Variants in RORB observed in about 807,000 individuals in gnomAD.
RORB encodes the protein nuclear receptor ROR-beta.
RORB carries 6 observed loss-of-function variants against 59.1 expected under a neutral mutation model. The ratio of observed to expected loss-of-function variants is 0.10; its 90% CI spans 0.06 to 0.20. The LOEUF (loss-of-function observed/expected upper bound fraction) is 0.20. RORB is among the 10% of genes least tolerant of loss of function. The pLI, the probability that RORB is intolerant of heterozygous loss-of-function variation, is 1.00. For missense variants in RORB, 320 were observed against 560.5 expected (o/e 0.57, Z 4.33); for synonymous variants, 215 against 204.5 (o/e 1.05, Z -0.44).
chr9:74,607,982 G>A (rs1823175255), intron 1 of RORB, among the ~76,000 whole-genome samples: 2 of 152,104 alleles, frequency 1.3e-5, no homozygotes, highest in African/African-American at 4.8e-5. Flanking sequence ...GTTTTGCAAC[G>A]TGCTGAACTC....
At chr9:74,568,400 T>C (rs1822499071) in intron 1 of RORB, among the ~76,000 whole-genome samples, 1 of 152,022 alleles carries the variant, frequency 6.6e-6, no homozygotes, top group African/African-American at 2.4e-5. Flanking sequence ...TCAATTCTTT[T>C]CTTAAGAAAA....
chr9:74,658,654 A>G (rs146391023), intron 4 of RORB, among the ~76,000 whole-genome samples: 2 of 152,334 alleles, frequency 1.3e-5, no homozygotes, highest in African/African-American at 2.4e-5. Flanking sequence ...ATAAAGCTAT[A>G]AAATCTTTTG....
At chr9:74,539,328 T>A (rs922731830) in intron 1 of RORB, among the ~76,000 whole-genome samples, 1 of 152,308 alleles carries the variant, frequency 6.6e-6, no homozygotes, top group East Asian at 1.9e-4. Context: ...TTTCTCTTTA[T>A]AACACCCCTT....
chr9:74,642,946 C>T (rs1306465219), intron 4 of RORB, 131 bp downstream of exon 4: 1 of 598,798 alleles, frequency 1.7e-6, no homozygotes, highest in East Asian at 3.0e-5. Flanking sequence ...ACTGAGAAAA[C>T]AAATTGATTT....
chr9:74,647,963 T>G (rs1320418990), intron 4 of RORB, among the ~76,000 whole-genome samples: 2 of 152,206 alleles, frequency 1.3e-5, no homozygotes, highest in Middle Eastern at 3.2e-3. Flanking sequence ...AAATCTATTA[T>G]GCACATCTAA....
At chr9:74,574,531 A>G (rs1021076068) in intron 1 of RORB, among the ~76,000 whole-genome samples, 1 of 152,156 alleles carries the variant, frequency 6.6e-6, no homozygotes, top group Non-Finnish European at 1.5e-5. Flanking sequence ...TAAATAAAGC[A>G]TGGAATCTGG....
rs568802220 is a variant in RORB at position 74,567,066 on chromosome 9, C to T, written c.8-63216C>T. On this transcript the variant is annotated intron_variant, in intron 1 of 9. Coordinates refer to ENST00000376896, the MANE Select transcript of RORB (RefSeq NM_006914.4). Reference sequence around the variant, plus strand: ...TTTCTGAGACAGAGGCTCGCTCTGTCGCCCAGGCTGGAGTGCAACGGCGTG... The same window carrying T: ...TTTCTGAGACAGAGGCTCGCTCTGTTGCCCAGGCTGGAGTGCAACGGCGTG... 1.7e-3 allele frequency among the ~76,000 whole-genome samples: 253 copies of T among 151,732 alleles called. 2 individuals are homozygous for T. The highest frequency in any genetic ancestry group is 5.9e-3 in the African/African-American group (243 of 41,348).
chr9:74,690,640 A>G lies in RORB; in HGVS notation c.*5022A>G, dbSNP rs1180006010. The G allele has an allele frequency of 6.6e-6, 1 of 152,200 alleles. No individual in the cohort carries two copies. The highest frequency in any genetic ancestry group is 1.5e-5 in the Non-Finnish European group (1 of 68,056). The allele number at this position is 152,200 out of a possible 1,614,324, so 9.4% of individuals were successfully genotyped here. ...ACTGCAGCAAGTCTGGTCAGATTCA[A>G]CCCTGGACGATATTAGAATGATATT... On this transcript the variant is annotated 3_prime_UTR_variant, in exon 10 of 10. Transcript: ENST00000376896.
intron 1 of RORB, among the ~76,000 whole-genome samples, chr9:74,538,371 A>G (rs747656793): frequency 6.6e-6 from 1 of 151,102 alleles, no homozygotes; most frequent in Non-Finnish European, 1.5e-5. Flanking sequence ...TGTTAACAAT[A>G]AAGAAATTTA....
chr9:74,637,530 G>A (rs749978367), intron 3 of RORB, among the ~76,000 whole-genome samples: 56 of 151,736 alleles, frequency 3.7e-4, no homozygotes, highest in Middle Eastern at 3.4e-3. Flanking sequence ...GTGTGTGTCT[G>A]TGTGTGTGTG....
intron 1 of RORB, among the ~76,000 whole-genome samples, chr9:74,589,786 A>G (rs1822858675): frequency 1.3e-5 from 2 of 152,148 alleles, no homozygotes; most frequent in Non-Finnish European, 2.9e-5. Context: ...CCAAACCACA[A>G]GCATCAGGTC....
At chr9:74,635,386 G>A (rs866577850) in intron 3 of RORB, among the ~76,000 whole-genome samples, 9 of 152,202 alleles carry the variant, frequency 5.9e-5, no homozygotes, top group African/African-American at 2.2e-4. Context: ...CCACCTTGAC[G>A]CCCACCCATG....
intron 1 of RORB, among the ~76,000 whole-genome samples, chr9:74,604,727 A>T (rs1276958472): frequency 6.6e-6 from 1 of 152,200 alleles, no homozygotes; most frequent in Non-Finnish European, 1.5e-5. Context: ...TAAATAAGGT[A>T]GAAGAAGAAG....
intron 1 of RORB, among the ~76,000 whole-genome samples, chr9:74,618,669 T>C (rs1036968223): frequency 2.0e-5 from 3 of 152,122 alleles, no homozygotes; most frequent in Non-Finnish European, 2.9e-5. Flanking sequence ...CTCTACTGCG[T>C]CTATCAATGA....
chr9:74,594,090 G>C (rs768363477), intron 1 of RORB, among the ~76,000 whole-genome samples: 19 of 152,226 alleles, frequency 1.2e-4, no homozygotes, highest in Non-Finnish European at 2.2e-4. Flanking sequence ...ATTTGCAAAG[G>C]CTCCATCTAT....
chr9:74,555,299 G>A (rs1202530684), intron 1 of RORB, among the ~76,000 whole-genome samples: 2 of 152,170 alleles, frequency 1.3e-5, no homozygotes, highest in Non-Finnish European at 2.9e-5. Context: ...ACCACAGTGG[G>A]GACCTTTGTC....
At chr9:74,601,459 C>T (rs971069014) in intron 1 of RORB, among the ~76,000 whole-genome samples, 2 of 151,578 alleles carry the variant, frequency 1.3e-5, no homozygotes, top group African/African-American at 4.8e-5. Flanking sequence ...ACCATCTCCC[C>T]AAGGCAATCA....
In RORB at chr9:74,514,986, A is replaced by G. The variant is rs556434892; in HGVS notation, c.7+17003A>G. 4.6e-5 allele frequency among the ~76,000 whole-genome samples: 7 copies of G among 151,236 alleles called. No homozygotes were observed. The East Asian group carries it at 7.8e-4, about 17-fold the overall frequency. On this transcript the variant is annotated intron_variant, in intron 1 of 9. Transcript: ENST00000376896. ...GCTTTGAATCCTCAACTTCAACTCT[A>G]TATCTTCTCCATAGTAGGTCATTGA... is the stretch of plus-strand genomic sequence containing the variant.
intron 7 of RORB, among the ~76,000 whole-genome samples, chr9:74,666,707 A>T (rs1330838986): frequency 6.6e-6 from 1 of 152,208 alleles, no homozygotes; most frequent in East Asian, 1.9e-4. Flanking sequence ...ACAGAAGTTA[A>T]TTCACAAAGT....
Sources: gnomAD v4.1 joint callset for allele counts (sites outside exome capture counted in the v4.1 genomes callset) on GRCh38, gnomAD v4.1.1 for gene constraint, MANE v1.5 for transcripts, NCBI Gene and HGNC (gene_info 2026-07-23, HGNC 2026-07-21) for gene names.